The following CSMD1 variants were observed in gnomAD, a reference collection of about 807,000 sequenced individuals.
CSMD1 encodes the protein CUB and Sushi multiple domains 1.
Under a neutral mutation model 417.5 loss-of-function variants are expected in CSMD1, and 213 were observed. The ratio of observed to expected loss-of-function variants is 0.51; its 90% confidence interval spans 0.46 to 0.57. The LOEUF (loss-of-function observed/expected upper bound fraction) is 0.57, where lower values mean the gene tolerates loss of function less well. Among genes scored for constraint, CSMD1 ranks in the 20% least tolerant of loss-of-function variants. The pLI, the probability that CSMD1 is intolerant of heterozygous loss-of-function variation, is 0.00. For missense variants in CSMD1, 6,923 were observed against 4,529.7 expected (o/e 1.53, Z -15.17); for synonymous variants, 2,862 against 1,736.8 (o/e 1.65, Z -16.11).
intron 3 of CSMD1, among the ~76,000 whole-genome samples, chr8:4,153,465 C>G (rs528602488): frequency 1.4e-3 from 207 of 152,340 alleles, no homozygotes; most frequent in African/African-American, 4.8e-3. Flanking sequence ...GGATAAGGTT[C>G]TGCAGCTCTG....
chr8:4,019,091 G>C (rs375991459), intron 4 of CSMD1, among the ~76,000 whole-genome samples: 7 of 152,090 alleles, frequency 4.6e-5, no homozygotes, highest in Non-Finnish European at 1.0e-4. Flanking sequence ...TCTATATCTG[G>C]ACTACTGCTA....
At chr8:4,923,895 A>G (rs1238119381) in intron 1 of CSMD1, among the ~76,000 whole-genome samples, 1 of 152,224 alleles carries the variant, frequency 6.6e-6, no homozygotes, top group Non-Finnish European at 1.5e-5. Context: ...CTTTATCTGT[A>G]TAGGTTTCTT....
chr8:3,786,723 G>T (rs1233915818), intron 5 of CSMD1, among the ~76,000 whole-genome samples: 1 of 152,168 alleles, frequency 6.6e-6, no homozygotes, highest in Admixed American at 6.5e-5. Flanking sequence ...GAGGGTGGAA[G>T]CCCATGATCA....
chr8:3,217,189 GGGCTGCATGCAATGGCATCACTGCTCCA>G (rs1239182905), intron 29 of CSMD1, among the ~76,000 whole-genome samples: 5 of 150,924 alleles, frequency 3.3e-5, no homozygotes, highest in Admixed American at 6.6e-5. Flanking sequence ...TCACTGTCGT[GGGCTGCATGCAATGGCATCACTGCTCCA>G]GGCTGCATGC....
chr8:4,214,552 C>T (rs1051144547), intron 3 of CSMD1, among the ~76,000 whole-genome samples: 1 of 152,182 alleles, frequency 6.6e-6, no homozygotes, highest in African/African-American at 2.4e-5. Flanking sequence ...TCTGACTTGG[C>T]CTCCCAAAGT....
At chr8:4,651,124 T>C (rs930458608) in intron 1 of CSMD1, among the ~76,000 whole-genome samples, 5 of 152,120 alleles carry the variant, frequency 3.3e-5, no homozygotes, top group African/African-American at 1.2e-4. Context: ...AGCAAAAAGC[T>C]GAGGCTAAAA....
At chr8:4,222,075 A>C (rs1309759445) in intron 3 of CSMD1, among the ~76,000 whole-genome samples, 4 of 149,746 alleles carry the variant, frequency 2.7e-5, no homozygotes, top group Non-Finnish European at 5.9e-5. Context: ...TGACTTAGAA[A>C]AGCCATTAGT....
At chr8:4,006,975 A>C (rs1490555425) in intron 4 of CSMD1, among the ~76,000 whole-genome samples, 2 of 151,708 alleles carry the variant, frequency 1.3e-5, no homozygotes, top group Admixed American at 6.6e-5. Context: ...CTACAGGCAC[A>C]CACCACCACA....
Position 3,187,750 on chromosome 8 carries a change from T to A in CSMD1, c.5620+119A>T, listed in dbSNP as rs1796146843. The A allele has an allele frequency of 7.0e-6, 5 of 711,766 alleles. No individual in the cohort carries two copies. In the East Asian group the frequency reaches 1.1e-4, roughly 16 times the overall value. The allele number at this position is 711,766 out of a possible 1,614,324, so 44.1% of individuals were successfully genotyped here. On this transcript the variant is annotated intron_variant, in intron 36 of 69. Coordinates refer to ENST00000635120, the MANE Select transcript of CSMD1 (RefSeq NM_033225.6). ...ACTTTCAGCACTAGAGCAACCATTA[T>A]GGAGATAGAAGAATTGTGTAGGAAA...
intron 5 of CSMD1, among the ~76,000 whole-genome samples, chr8:3,982,786 G>A (rs535324106): frequency 6.6e-6 from 1 of 152,146 alleles, no homozygotes; most frequent in African/African-American, 2.4e-5. Flanking sequence ...GCCAGAACGA[G>A]GGCAAGAATC....
chr8:4,588,542 C>A (rs1300604015), intron 2 of CSMD1, among the ~76,000 whole-genome samples: 1 of 151,908 alleles, frequency 6.6e-6, no homozygotes, highest in Non-Finnish European at 1.5e-5. Context: ...TGCCTGTAAT[C>A]CCAGCCCTTT....
intron 52 of CSMD1, among the ~76,000 whole-genome samples, chr8:3,015,508 G>T (rs1037829357): frequency 1.3e-5 from 2 of 151,768 alleles, no homozygotes; most frequent in Non-Finnish European, 2.9e-5. Context: ...TATATATTTT[G>T]ATTCAGAATC....
At chr8:3,188,740 T>A in intron 35 of CSMD1, 147 bp downstream of exon 35, 1 of 531,890 alleles carries the variant, frequency 1.9e-6, no homozygotes. Flanking sequence ...GAGTATAGTC[T>A]ATGTATTTAA....
chr8:3,592,993 G>T (rs1446262344), intron 8 of CSMD1, among the ~76,000 whole-genome samples: 1 of 152,228 alleles, frequency 6.6e-6, no homozygotes, highest in Non-Finnish European at 1.5e-5. Flanking sequence ...ATCCCAAGGA[G>T]AAGTCAGAAC....
chr8:4,834,977 A>AAAAAAAG (rs1385745588), intron 1 of CSMD1, among the ~76,000 whole-genome samples: 1 of 32,238 alleles, frequency 3.1e-5, no homozygotes, highest in African/African-American at 5.3e-5. Flanking sequence ...AAAAAAAAAA[A>AAAAAAAG]AAAGAAAGAA....
chr8:3,835,405 C>G (rs563090187), intron 5 of CSMD1, among the ~76,000 whole-genome samples: 1 of 151,534 alleles, frequency 6.6e-6, no homozygotes, highest in African/African-American at 2.4e-5. Context: ...ATGATGAGTT[C>G]ATGTCCTTTG....
chr8:3,503,840 C>CCG (rs1554445589), intron 10 of CSMD1, among the ~76,000 whole-genome samples: 19 of 146,806 alleles, frequency 1.3e-4, no homozygotes, highest in Middle Eastern at 3.5e-3. Flanking sequence ...CTTGCCCCCC[C>CCG]CCAACCCCCA....
intron 5 of CSMD1, among the ~76,000 whole-genome samples, chr8:3,863,305 G>T (rs1410022576): frequency 6.6e-6 from 1 of 151,312 alleles, no homozygotes; most frequent in Non-Finnish European, 1.5e-5. Flanking sequence ...GCTGAGGCAG[G>T]AGAATCGCTT....
chr8:4,133,978 G>T (rs1438503912), intron 3 of CSMD1, among the ~76,000 whole-genome samples: 1 of 151,856 alleles, frequency 6.6e-6, no homozygotes, highest in Non-Finnish European at 1.5e-5. Flanking sequence ...TTAAACTTCG[G>T]TTTTCTTATC....
Sources: gnomAD v4.1 joint callset for allele counts (sites outside exome capture counted in the v4.1 genomes callset) on GRCh38, gnomAD v4.1.1 for gene constraint, MANE v1.5 for transcripts, NCBI Gene and HGNC (gene_info 2026-07-23, HGNC 2026-07-21) for gene names.